SNTG2: variants seen among roughly 807,000 people sequenced by gnomAD.
The protein encoded by SNTG2 is gamma-2-syntrophin.
SNTG2 carries 74 observed loss-of-function variants against 70.9 expected under a neutral mutation model. The ratio of observed to expected loss-of-function variants is 1.04; its 90% confidence interval spans 0.86 to 1.27. The LOEUF (loss-of-function observed/expected upper bound fraction) is 1.27. Among genes scored for constraint, SNTG2 ranks in the 50% most tolerant of loss-of-function variants. SNTG2 has a pLI of 0.00. For missense variants in SNTG2, 717 were observed against 690.7 expected (o/e 1.04, Z -0.43); for synonymous variants, 278 against 273.8 (o/e 1.02, Z -0.15).
chr2:1,284,012 C>T (rs1043546331), intron 14 of SNTG2, among the ~76,000 whole-genome samples: 7 of 152,058 alleles, frequency 4.6e-5, no homozygotes, highest in Non-Finnish European at 1.5e-5. Context: ...CGCAGTGAGC[C>T]GCCGACCTGC....
At chr2:1,119,063 G>A (rs1467914565) in intron 4 of SNTG2, among the ~76,000 whole-genome samples, 1 of 152,144 alleles carries the variant, frequency 6.6e-6, no homozygotes, top group African/African-American at 2.4e-5. Flanking sequence ...ATCTCCATTA[G>A]TCTATCAGTG....
chr2:1,103,829 T>G (rs1665949125), intron 4 of SNTG2, among the ~76,000 whole-genome samples: 1 of 152,174 alleles, frequency 6.6e-6, no homozygotes, highest in South Asian at 2.1e-4. Flanking sequence ...GACCCCTGAG[T>G]GCTAAGCACT....
intron 1 of SNTG2, among the ~76,000 whole-genome samples, chr2:981,017 CT>C (rs1661080007): frequency 6.6e-6 from 1 of 152,130 alleles, no homozygotes; most frequent in African/African-American, 2.4e-5. Context: ...AAGGTTAGAG[CT>C]GGTGATGTTC....
In SNTG2 at chr2:1,154,642, T is replaced by C. The variant is rs574786534; in HGVS notation, c.412-10906T>C. On this transcript the variant is annotated intron_variant, in intron 6 of 16. Coordinates refer to ENST00000308624, the MANE Select transcript of SNTG2 (RefSeq NM_018968.4). Reference sequence around the variant, plus strand: ...TTATTCTGGAAGTTTACTGAAATTCTCATCAAATACCACCGCATGTCTAAT... The same window carrying C: ...TTATTCTGGAAGTTTACTGAAATTCCCATCAAATACCACCGCATGTCTAAT... 5.9e-5 allele frequency among the ~76,000 whole-genome samples: 9 copies of C among 152,240 alleles called. No individual in the cohort carries two copies. In the South Asian group the frequency reaches 1.9e-3, roughly 32 times the overall value.
intron 14 of SNTG2, among the ~76,000 whole-genome samples, chr2:1,279,269 T>C (rs1220402076): frequency 1.3e-5 from 2 of 152,256 alleles, no homozygotes; most frequent in East Asian, 3.8e-4. Flanking sequence ...TGTAGTCATG[T>C]CACATAAGGG....
intron 8 of SNTG2, among the ~76,000 whole-genome samples, chr2:1,197,996 T>C (rs28617214): frequency 0.32 from 49,275 of 151,974 alleles, 8,528 homozygotes; most frequent in East Asian, 0.65. Flanking sequence ...TACTTTAGAC[T>C]AAATGGATCT....
chr2:1,140,369 G>T (rs1001156978), intron 6 of SNTG2, among the ~76,000 whole-genome samples: 1 of 152,206 alleles, frequency 6.6e-6, no homozygotes, highest in Non-Finnish European at 1.5e-5. Flanking sequence ...TAAACTGTCC[G>T]TATGTTCACT....
At chr2:1,202,848 G>A (rs142282551) in intron 8 of SNTG2, among the ~76,000 whole-genome samples, 20 of 152,192 alleles carry the variant, frequency 1.3e-4, no homozygotes, top group African/African-American at 4.1e-4. Flanking sequence ...AAAATAATAT[G>A]AGTTCATCAG....
chr2:1,321,785 G>T (rs1681534796), intron 16 of SNTG2, among the ~76,000 whole-genome samples: 1 of 151,534 alleles, frequency 6.6e-6, no homozygotes, highest in Non-Finnish European at 1.5e-5. Context: ...GAAGCACAAC[G>T]CCCCCTTCCC....
Position 1,120,513 on chromosome 2 carries a change from C to T in SNTG2, c.326-17109C>T, listed in dbSNP as rs907311833. On this transcript the variant is annotated intron_variant, in intron 4 of 16. Coordinates refer to ENST00000308624, the MANE Select transcript of SNTG2 (RefSeq NM_018968.4). The stretch of plus-strand genomic sequence containing the variant: ...AACTATATACTGGCTATAAGAGACC[C>T]GCTTTATCTTTAAGGACACACACAT... Among the ~76,000 whole-genome samples the T allele has an allele frequency of 5.3e-5, 8 of 152,238 alleles. No homozygotes were observed. In the East Asian group the frequency reaches 9.7e-4, roughly 18 times the overall value.
At chr2:1,088,692 T>C (rs537739436) in intron 2 of SNTG2, among the ~76,000 whole-genome samples, 6 of 152,234 alleles carry the variant, frequency 3.9e-5, no homozygotes, top group Non-Finnish European at 8.8e-5. Flanking sequence ...AGTCAAACTG[T>C]AATATGAATT....
Position 1,016,776 on chromosome 2 carries a change from C to T in SNTG2, c.72+65708C>T, listed in dbSNP as rs986555637. ...ACGTATGTTATGTGTGACACATATT[C>T]ACTTTGGGGTGTGGACTTAACATTA... On this transcript the variant is annotated intron_variant, in intron 1 of 16. Coordinates refer to ENST00000308624, the MANE Select transcript of SNTG2 (RefSeq NM_018968.4). 1.4e-4 allele frequency among the ~76,000 whole-genome samples: 21 copies of T among 152,342 alleles called. 1 individual carries two copies. Among genetic ancestry groups the T allele is most frequent in the African/African-American group, 4.8e-4 (20 of 41,570 alleles).
chr2:1,041,983 C>T lies in SNTG2; in HGVS notation c.73-41535C>T, dbSNP rs147336395. 2.7e-3 allele frequency among the ~76,000 whole-genome samples: 409 copies of T among 152,198 alleles called. 3 individuals carry two copies. Among genetic ancestry groups the T allele is most frequent in the Middle Eastern group, 6.8e-3 (2 of 294 alleles). On this transcript the variant is annotated intron_variant, in intron 1 of 16. Coordinates refer to ENST00000308624, the MANE Select transcript of SNTG2 (RefSeq NM_018968.4). ...TCCAATTATTATGACTTAATAATAC[C>T]ATATTTCTTCAGTTCTAAGATGCCA...
chr2:1,011,464 C>T lies in SNTG2; in HGVS notation c.72+60396C>T, dbSNP rs193150510. Among the ~76,000 whole-genome samples the T allele has an allele frequency of 3.8e-3, 578 of 152,286 alleles. 4 individuals are homozygous for T. The highest frequency in any genetic ancestry group is 0.012 in the African/African-American group (511 of 41,558). On this transcript the variant is annotated intron_variant, in intron 1 of 16. Transcript: ENST00000308624. ...TAAGTACAAATGTGGAGACAAGTTTCAGAAACAATCTTTGATGAATGAGCC... is the reference window on the plus strand; with the variant it reads ...TAAGTACAAATGTGGAGACAAGTTTTAGAAACAATCTTTGATGAATGAGCC...
At chr2:1,016,345 C>T (rs566755209) in intron 1 of SNTG2, among the ~76,000 whole-genome samples, 28 of 152,276 alleles carry the variant, frequency 1.8e-4, no homozygotes, top group African/African-American at 6.7e-4. Context: ...AGGTTCCAGC[C>T]ATTCTCCTGC....
rs911709137 is a variant in SNTG2, at chr2:1,238,490, T to C, written c.849+473T>C. ...ATTACTTCTCAAATTTGTACTGCAG[T>C]CCCCCAGAAACGAAAAAGTATTCTG... On this transcript the variant is annotated intron_variant, in intron 10 of 16. Coordinates refer to ENST00000308624, the MANE Select transcript of SNTG2 (RefSeq NM_018968.4). Among the ~76,000 whole-genome samples the C allele has an allele frequency of 7.2e-5, 11 of 152,140 alleles. No individual in the cohort carries two copies. The East Asian group carries it at 2.1e-3, about 29-fold the overall frequency.
intron 8 of SNTG2, among the ~76,000 whole-genome samples, chr2:1,188,027 A>G (rs1025088646): frequency 6.6e-6 from 1 of 152,242 alleles, no homozygotes; most frequent in Non-Finnish European, 1.5e-5. Flanking sequence ...GAGGGCATGT[A>G]AATGCAGATG....
intron 4 of SNTG2, among the ~76,000 whole-genome samples, chr2:1,100,661 C>G (rs1665729715): frequency 6.6e-6 from 1 of 152,132 alleles, no homozygotes; most frequent in African/African-American, 2.4e-5. Context: ...ACCCCTGAAG[C>G]CATCTGGCTG....
intron 6 of SNTG2, among the ~76,000 whole-genome samples, chr2:1,154,179 G>A (rs1277089136): frequency 6.6e-6 from 1 of 152,034 alleles, no homozygotes; most frequent in Non-Finnish European, 1.5e-5. Flanking sequence ...AGAGGCGGGA[G>A]GAGCATGGTT....
Sources: allele counts gnomAD v4.1 joint callset (sites outside exome capture counted in the v4.1 genomes callset), GRCh38; gene constraint gnomAD v4.1.1; transcripts MANE v1.5; gene names NCBI Gene and HGNC (gene_info 2026-07-23, HGNC 2026-07-21).